The following MRTFB variants were observed in gnomAD, a reference collection of about 807,000 sequenced individuals.
MRTFB encodes myocardin related transcription factor B, also known as myocardin-related transcription factor B.
MRTFB carries 29 observed loss-of-function variants against 104.2 expected under a neutral mutation model. The ratio of observed to expected loss-of-function variants is 0.28; its 90% confidence interval spans 0.21 to 0.38. The LOEUF (loss-of-function observed/expected upper bound fraction) is 0.38. Ranked by LOEUF, MRTFB falls within the 10% of genes least tolerant of loss-of-function variation. MRTFB has a pLI of 1.00. For missense variants in MRTFB, 1,270 were observed against 1,341.6 expected (o/e 0.95, Z 0.83); for synonymous variants, 535 against 519.5 (o/e 1.03, Z -0.41).
At chr16:14,137,442 T>G (rs1187110669) in intron 2 of MRTFB, among the ~76,000 whole-genome samples, 1 of 152,126 alleles carries the variant, frequency 6.6e-6, no homozygotes, top group East Asian at 1.9e-4. Context: ...TTTTTTTAAA[T>G]CTATACCTAA....
chr16:14,208,107 A>C (rs547692880), intron 3 of MRTFB, among the ~76,000 whole-genome samples: 1 of 152,354 alleles, frequency 6.6e-6, no homozygotes, highest in Non-Finnish European at 1.5e-5. Context: ...AATGACACGC[A>C]TCCGTGTTGT....
intron 3 of MRTFB, among the ~76,000 whole-genome samples, chr16:14,185,268 T>C (rs2039912895): frequency 6.6e-6 from 1 of 152,208 alleles, no homozygotes; most frequent in Admixed American, 6.5e-5. Flanking sequence ...TAGCAATCTT[T>C]CTAGAACAAT....
intron 3 of MRTFB, among the ~76,000 whole-genome samples, chr16:14,172,289 A>G (rs2039449131): frequency 6.6e-6 from 1 of 152,170 alleles, no homozygotes; most frequent in Non-Finnish European, 1.5e-5. Context: ...GAAATAACAT[A>G]TTGACACTAT....
At chr16:14,067,508 C>T (rs1267029585), upstream of MRTFB, among the ~76,000 whole-genome samples, 1 of 152,164 alleles carries the variant, frequency 6.6e-6, no homozygotes, top group African/African-American at 2.4e-5. Flanking sequence ...TAGGTGTGAG[C>T]CATGGTGCCC....
At chr16:14,154,560 A>T (rs2038756334) in intron 3 of MRTFB, among the ~76,000 whole-genome samples, 2 of 152,140 alleles carry the variant, frequency 1.3e-5, no homozygotes, top group Non-Finnish European at 2.9e-5. Context: ...CTTTGTAGTG[A>T]ATTTCTTTAA....
intron 2 of MRTFB, among the ~76,000 whole-genome samples, chr16:14,088,618 C>T (rs1176865521): frequency 2.0e-5 from 3 of 152,166 alleles, no homozygotes; most frequent in Non-Finnish European, 4.4e-5. Context: ...CTCATGAAGC[C>T]AAGGAGCCTG....
At chr16:14,127,927 ATATTTTTT>A (rs2037229497) in intron 2 of MRTFB, among the ~76,000 whole-genome samples, 3 of 38,798 alleles carry the variant, frequency 7.7e-5, no homozygotes, top group Non-Finnish European at 1.1e-4. Context: ...ATATATATAT[ATATTTTTT>A]TTTTTTTTTT....
At chr16:14,222,395 C>CTTAAAACATTATGAGTTTTTTT (rs2041768745) in intron 8 of MRTFB, among the ~76,000 whole-genome samples, 2 of 152,142 alleles carry the variant, frequency 1.3e-5, no homozygotes, top group African/African-American at 4.8e-5. Context: ...CATAAACTTT[C>CTTAAAACATTATGAGTTTTTTT]TTAAAACATT....
At position 14,261,892 on chromosome 16, in the gene MRTFB, T is replaced by TGGTACTTCCTAGAGACGGCCGGAGCG. The variant is rs2043792905; in HGVS notation, c.*473_*474insGGGTACTTCCTAGAGACGGCCGGAGC. 1 of 154,768 alleles carries TGGTACTTCCTAGAGACGGCCGGAGCG rather than the reference T, an allele frequency of 6.5e-6. No homozygotes were observed. Among genetic ancestry groups the TGGTACTTCCTAGAGACGGCCGGAGCG allele is most frequent in the African/African-American group, 2.4e-5 (1 of 41,494 alleles). The allele number at this position is 154,768 out of a possible 1,614,324, so 9.6% of individuals were successfully genotyped here. On this transcript the variant is annotated 3_prime_UTR_variant, in exon 17 of 17. Coordinates refer to ENST00000571589, the MANE Select transcript of MRTFB (RefSeq NM_001308142.2). ...GAGGGAGGTGAGAGGTCACTGCACT[T>TGGTACTTCCTAGAGACGGCCGGAGCG]GGTACTTCCTAGAGACGGCCGGAGC...
At chr16:14,203,144 C>CT (rs560519760) in intron 3 of MRTFB, among the ~76,000 whole-genome samples, 52 of 148,430 alleles carry the variant, frequency 3.5e-4, no homozygotes, top group South Asian at 1.5e-3. Flanking sequence ...ACTGCTCAGG[C>CT]TTTTTTTTTT....
At chr16:14,224,996 G>A (rs558553672) in intron 8 of MRTFB, among the ~76,000 whole-genome samples, 1 of 152,292 alleles carries the variant, frequency 6.6e-6, no homozygotes, top group African/African-American at 2.4e-5. Flanking sequence ...AGACCAGCCT[G>A]ACCAACATGG....
At chr16:14,208,285 T>C (rs1264550560) in intron 3 of MRTFB, among the ~76,000 whole-genome samples, 1 of 152,214 alleles carries the variant, frequency 6.6e-6, no homozygotes, top group Non-Finnish European at 1.5e-5. Context: ...GCTGTTGTCA[T>C]CAGAGTGTTG....
chr16:14,008,499 AT>A, the MRTFB span, among the ~76,000 whole-genome samples: 1 of 152,226 alleles, frequency 6.6e-6, no homozygotes, highest in African/African-American at 2.4e-5. Context: ...TTGATCAGAA[AT>A]GTGAAGGTTT....
intron 3 of MRTFB, among the ~76,000 whole-genome samples, chr16:14,168,678 A>G (rs2039328008): frequency 6.6e-6 from 1 of 152,200 alleles, no homozygotes; most frequent in Admixed American, 6.5e-5. Context: ...GCTAGTATTA[A>G]TAAAGCTGCT....
intron 3 of MRTFB, chr16:14,170,572 G>T (rs764575837): frequency 2.0e-5 from 3 of 152,048 alleles, no homozygotes; most frequent in Non-Finnish European, 2.9e-5. Flanking sequence ...CCTGATTAAC[G>T]TTTAGATCAT....
At chr16:14,174,596 T>C (rs562525323) in intron 3 of MRTFB, among the ~76,000 whole-genome samples, 25 of 152,130 alleles carry the variant, frequency 1.6e-4, no homozygotes, top group African/African-American at 5.8e-4. Context: ...GGCAAGAGAA[T>C]CACTTGAGCC....
chr16:14,261,252 C>T lies in MRTFB; in HGVS notation c.3108C>T (p.Ser1036=), dbSNP rs764240669. 3.1e-6 allele frequency: 5 copies of T among 1,614,150 alleles called. No individual in the cohort carries two copies. Among genetic ancestry groups the T allele is most frequent in the East Asian group, 2.2e-5 (1 of 44,884 alleles). ...LDHSHSPMET[S]ETQFAAGTPC... Reference sequence around the variant, plus strand: ...ATTCACACTCACCCATGGAGACTTCCGAGACCCAGTTTGCTGCAGGTACTC... The same window carrying T: ...ATTCACACTCACCCATGGAGACTTCTGAGACCCAGTTTGCTGCAGGTACTC... Residue 1036 remains serine, a synonymous_variant, in exon 17 of 17, where the codon TCC becomes TCT. Coordinates refer to ENST00000571589, the MANE Select transcript of MRTFB (RefSeq NM_001308142.2).
chr16:14,044,805 A>G, the MRTFB span, among the ~76,000 whole-genome samples: 2 of 152,180 alleles, frequency 1.3e-5, no homozygotes, highest in Admixed American at 6.5e-5. Flanking sequence ...TATATAGAAG[A>G]GAACCCAATG....
chr16:14,050,074 C>T, the MRTFB span, among the ~76,000 whole-genome samples: 17 of 152,184 alleles, frequency 1.1e-4, 1 homozygote, highest in African/African-American at 3.6e-4. Context: ...TTCTCAAGTG[C>T]TTTTTAAAAA....
Sources: allele counts gnomAD v4.1 joint callset (sites outside exome capture counted in the v4.1 genomes callset), GRCh38; gene constraint gnomAD v4.1.1; transcripts MANE v1.5; gene names NCBI Gene and HGNC (gene_info 2026-07-23, HGNC 2026-07-21).